Variants in OCA2 observed in about 807,000 individuals in gnomAD.
OCA2 encodes OCA2 melanosomal transmembrane protein, also known as P protein.
OCA2 carries 77 observed loss-of-function variants against 100.2 expected under a neutral mutation model. The ratio of observed to expected loss-of-function variants is 0.77; its 90% CI spans 0.64 to 0.93. OCA2 has a LOEUF of 0.93. OCA2 is among the 40% of genes least tolerant of loss of function. The pLI, the probability that OCA2 is intolerant of heterozygous loss-of-function variation, is 0.00. For missense variants in OCA2, 1,062 were observed against 1,089.1 expected (o/e 0.98, Z 0.35); for synonymous variants, 432 against 439.2 (o/e 0.98, Z 0.21).
At chr15:27,909,145 C>T (rs1169935497) in intron 19 of OCA2, among the ~76,000 whole-genome samples, 1 of 152,068 alleles carries the variant, frequency 6.6e-6, no homozygotes, top group Non-Finnish European at 1.5e-5. Context: ...CAAAGAAAAC[C>T]ACATGCATAA....
At chr15:27,984,968 G>A in intron 13 of OCA2, 96 bp downstream of exon 13, 1 of 1,469,760 alleles carries the variant, frequency 6.8e-7, no homozygotes, top group Non-Finnish European at 9.4e-7. Flanking sequence ...ACCTTTTCAT[G>A]CACCTGAGAA....
chr15:27,934,120 T>A (rs912965949), intron 18 of OCA2, among the ~76,000 whole-genome samples: 1 of 152,142 alleles, frequency 6.6e-6, no homozygotes, highest in Non-Finnish European at 1.5e-5. Flanking sequence ...ACCATATATT[T>A]TTTTAAGCAT....
At chr15:27,776,610 G>C (rs781501748) in intron 23 of OCA2, 3 of 152,330 alleles carry the variant, frequency 2.0e-5, no homozygotes, top group Non-Finnish European at 2.9e-5. Flanking sequence ...GAGGCAGGCT[G>C]AGGCACCTGT....
intron 2 of OCA2, among the ~76,000 whole-genome samples, chr15:28,077,030 G>C (rs2044452991): frequency 6.6e-6 from 1 of 151,654 alleles, no homozygotes; most frequent in Admixed American, 6.6e-5. Flanking sequence ...AGAGAGTGGG[G>C]AAGTCTGTGT....
At chr15:27,841,042 A>G (rs1256039413) in intron 23 of OCA2, among the ~76,000 whole-genome samples, 1 of 152,216 alleles carries the variant, frequency 6.6e-6, no homozygotes, top group Non-Finnish European at 1.5e-5. Flanking sequence ...TATTCGTAAG[A>G]GCCCCAAACT....
chr15:28,013,816 C>T (rs142382687), intron 9 of OCA2, among the ~76,000 whole-genome samples: 7 of 151,986 alleles, frequency 4.6e-5, no homozygotes, highest in African/African-American at 1.7e-4. Flanking sequence ...TCATGGGAAC[C>T]GTGAAACAAC....
chr15:27,790,632 G>A (rs190180352), intron 23 of OCA2, among the ~76,000 whole-genome samples: 5 of 152,294 alleles, frequency 3.3e-5, no homozygotes, highest in African/African-American at 1.2e-4. Context: ...GAGATTGAAT[G>A]TAAAGGGGTA....
Position 27,788,218 on chromosome 15 carries a change from A to G in OCA2, c.2433-32746T>C, listed in dbSNP as rs1375279949. 3.3e-5 allele frequency among the ~76,000 whole-genome samples: 5 copies of G among 152,132 alleles called. No individual in the cohort carries two copies. The South Asian group carries it at 1.0e-3, about 32-fold the overall frequency. On this transcript the variant is annotated intron_variant, in intron 23 of 23. Transcript: ENST00000354638. ...GTATTCTGCCTTTGTTGGGTTGACT[A>G]TTCTGTAGATATTAGGTCAAGTAAT...
chr15:27,973,079 A>G (rs1347831850), intron 14 of OCA2, among the ~76,000 whole-genome samples: 3 of 152,038 alleles, frequency 2.0e-5, no homozygotes, highest in African/African-American at 7.3e-5. Flanking sequence ...CGTGTTGGCC[A>G]GGCTGGTCTC....
At chr15:28,037,480 G>A (rs2043078983) in intron 2 of OCA2, among the ~76,000 whole-genome samples, 1 of 152,136 alleles carries the variant, frequency 6.6e-6, no homozygotes. Flanking sequence ...AGCAGAAGCG[G>A]GTTTAGGCCT....
At position 27,943,537 on chromosome 15, in the gene OCA2, G is replaced by A. The variant is rs181431607; in HGVS notation, c.1951+8247C>T. ...TCCCTAAGACTCTGGTAATTTTTTA[G>A]GTCTGATAAGAGCTCTGAAACCTGC... is the stretch of plus-strand genomic sequence containing the variant. On this transcript the variant is annotated intron_variant, in intron 18 of 23. Transcript: ENST00000354638. Among the ~76,000 whole-genome samples the A allele has an allele frequency of 5.4e-3, 827 of 151,892 alleles. 9 individuals are homozygous for A. The highest frequency in any genetic ancestry group is 0.019 in the African/African-American group (793 of 41,390).
At chr15:28,048,551 A>G (rs1330405568) in intron 2 of OCA2, among the ~76,000 whole-genome samples, 1 of 152,178 alleles carries the variant, frequency 6.6e-6, no homozygotes, top group Admixed American at 6.5e-5. Flanking sequence ...CTCAAAATAG[A>G]TCATTTATTT....
intron 2 of OCA2, among the ~76,000 whole-genome samples, chr15:28,054,999 G>T (rs544486931): frequency 6.6e-6 from 1 of 152,196 alleles, no homozygotes; most frequent in Non-Finnish European, 1.5e-5. Context: ...AACCACGCCC[G>T]TGATTCAATT....
In OCA2 at chr15:27,952,018, G is replaced by C. The variant is rs1394595419; in HGVS notation, c.1843-126C>G. On this transcript the variant is annotated intron_variant, in intron 17 of 23. Transcript: ENST00000354638. ...ATGAAAAATGTAACCTCTCGAACTT[G>C]AAAGAAAATGGCAAAGTACTGTGTT... is the stretch of plus-strand genomic sequence containing the variant. 1.6e-5 allele frequency: 12 copies of C among 744,990 alleles called. No individual in the cohort carries two copies. In the Admixed American group the frequency reaches 2.4e-4, roughly 15 times the overall value. The allele number at this position is 744,990 out of a possible 1,614,324, so 46.1% of individuals were successfully genotyped here.
chr15:27,750,802 A>G (rs2150962616), downstream of OCA2, among the ~76,000 whole-genome samples: 1 of 152,382 alleles, frequency 6.6e-6, no homozygotes, highest in South Asian at 2.1e-4. Context: ...GGTCTGTGCC[A>G]AAAGGCAAGT....
intron 2 of OCA2, among the ~76,000 whole-genome samples, chr15:28,080,297 G>A (rs1199460306): frequency 6.6e-6 from 1 of 152,244 alleles, no homozygotes; most frequent in Non-Finnish European, 1.5e-5. Flanking sequence ...CACATTCAGT[G>A]TATAACAGAG....
At chr15:27,790,988 TA>T (rs34424255) in intron 23 of OCA2, among the ~76,000 whole-genome samples, 41,757 of 151,808 alleles carry the variant, frequency 0.28, 6,817 homozygotes, top group Non-Finnish European at 0.37. Flanking sequence ...AGGGTCTTGC[TA>T]TGTTACTTGG....
At chr15:27,823,587 T>A (rs1392537495) in intron 23 of OCA2, among the ~76,000 whole-genome samples, 6 of 152,192 alleles carry the variant, frequency 3.9e-5, no homozygotes, top group Admixed American at 3.9e-4. Flanking sequence ...CAAAAACATT[T>A]TAACTGAGTT....
intron 19 of OCA2, among the ~76,000 whole-genome samples, chr15:27,915,704 A>G (rs1002974873): frequency 1.3e-5 from 2 of 152,178 alleles, no homozygotes; most frequent in Admixed American, 1.3e-4. Flanking sequence ...AAAATAACAG[A>G]TGTTGGTGAG....
Sources: allele counts gnomAD v4.1 joint callset (sites outside exome capture counted in the v4.1 genomes callset), GRCh38; gene constraint gnomAD v4.1.1; transcripts MANE v1.5; gene names NCBI Gene and HGNC (gene_info 2026-07-23, HGNC 2026-07-21).